IGFBP5: variants seen among roughly 807,000 people sequenced by gnomAD.
The protein encoded by IGFBP5 is insulin like growth factor binding protein 5, also known as insulin-like growth factor-binding protein 5.
A neutral mutation model predicts 28.0 loss-of-function variants in IGFBP5; 12 were observed. The ratio of observed to expected loss-of-function variants is 0.43; its 90% CI spans 0.27 to 0.69. IGFBP5 has a LOEUF of 0.69. IGFBP5 is among the 30% of genes least tolerant of loss of function. The probability of loss-of-function intolerance (pLI) is 0.20; values close to 1 mark genes in which losing one functional copy is unlikely to be tolerated. For missense variants in IGFBP5, 344 were observed against 381.6 expected, an observed-to-expected ratio of 0.90 and a Z score of 0.82; for synonymous variants, 152 against 150.2, an observed-to-expected ratio of 1.01 and a Z score of -0.09.
At chr2:216,693,127 C>A (rs1274402850) in intron 1 of IGFBP5, among the ~76,000 whole-genome samples, 2 of 151,522 alleles carry the variant, frequency 1.3e-5, no homozygotes, top group Non-Finnish European at 2.9e-5. Context: ...GTCTTAGAAC[C>A]CAGACTTTTA....
intron 2 of IGFBP5, 96 bp downstream of exon 2, chr2:216,678,753 TG>T: frequency 1.0e-6 from 1 of 1,003,418 alleles, no homozygotes; most frequent in Middle Eastern, 3.1e-4. Flanking sequence ...GGTCCTCTGC[TG>T]GGTCTAGTCT....
Position 216,675,866 on chromosome 2 carries a change from A to C in IGFBP5, c.*885T>G, listed in dbSNP as rs1283790805. The C allele has an allele frequency of 6.6e-6, 1 of 152,116 alleles. No individual in the cohort carries two copies. Among genetic ancestry groups the C allele is most frequent in the Admixed American group, 6.5e-5 (1 of 15,268 alleles). 9.4% of individuals were successfully genotyped at this position (152,116 alleles called of 1,614,324 possible). A position where few individuals can be genotyped will look rare whatever the true frequency, so the allele number is the denominator to read the frequency against. On this transcript the variant is annotated 3_prime_UTR_variant, in exon 4 of 4. Coordinates refer to ENST00000233813, the MANE Select transcript of IGFBP5 (RefSeq NM_000599.4). ...ACAGAGGCTGCTGCGCTACTTACAA[A>C]TTGAATTAAATGAGGGCTGAAACGG... is the stretch of plus-strand genomic sequence containing the variant.
At chr2:216,678,355 A>T in intron 2 of IGFBP5, 124 bp from the exon 3 acceptor site, 2 of 992,210 alleles carry the variant, frequency 2.0e-6, no homozygotes, top group Non-Finnish European at 2.8e-6. Flanking sequence ...CTTTGGTTCT[A>T]ATCATCTGCT....
rs1407841421 is a variant in IGFBP5 at position 216,694,607 on chromosome 2, T to G, written c.169A>C (p.Met57Leu). 6.5e-7 allele frequency: 1 copy of G among 1,542,998 alleles called. No individual in the cohort carries two copies. Among genetic ancestry groups the G allele is most frequent in the Non-Finnish European group, 8.7e-7 (1 of 1,145,946 alleles). Residue 57 changes from methionine to leucine, a missense_variant, in exon 1 of 4, where the codon ATG (methionine) becomes CTG (leucine). Around this residue, in one of 3 missense-constraint regions of IGFBP5, gnomAD observed 304 missense variants for 329.2 expected, o/e 0.92. Transcript: ENST00000233813. This position sits in a 1 kb window ranked among gnomAD's most constrained non-coding sequence, Gnocchi z 5.2. ...LVKEPGCGCCMTCALAEGQSC... is the reference protein window; with the variant it reads ...LVKEPGCGCCLTCALAEGQSC... ...TGCCCCTCGGCCAGGGCGCAGGTCA[T>G]GCAGCAGCCGCAGCCCGGCTCCTTG...
rs778530788 is a variant in IGFBP5 at position 216,679,572 on chromosome 2, G to C, written c.338-493C>G. On this transcript the variant is annotated intron_variant, in intron 1 of 3. Coordinates refer to ENST00000233813, the MANE Select transcript of IGFBP5 (RefSeq NM_000599.4). This position sits in a 1 kb window ranked among gnomAD's most constrained non-coding sequence, Gnocchi z 4.6. ...CAGGGCGTGGACGAGAAGGGCAAAG[G>C]CTGTCCTGTTAGTGAGATCTTTGCA... Among the ~76,000 whole-genome samples, 1 of 152,150 alleles carries C rather than the reference G, an allele frequency of 6.6e-6. No individual in the cohort carries two copies. The highest frequency in any genetic ancestry group is 2.4e-5 in the African/African-American group (1 of 41,434).
At chr2:216,682,605 T>C (rs1296387597) in intron 1 of IGFBP5, among the ~76,000 whole-genome samples, 1 of 152,150 alleles carries the variant, frequency 6.6e-6, no homozygotes, top group East Asian at 1.9e-4. Flanking sequence ...CAGTCTGCTC[T>C]GGAACCTGTT....
chr2:216,672,690 G>A lies in IGFBP5; in HGVS notation c.*4061C>T, dbSNP rs1018985733. 2.6e-5 allele frequency: 4 copies of A among 152,682 alleles called. No individual in the cohort carries two copies. The highest frequency in any genetic ancestry group is 9.7e-5 in the African/African-American group (4 of 41,414). 9.5% of individuals were successfully genotyped at this position (152,682 alleles called of 1,614,324 possible). A position where few individuals can be genotyped will look rare whatever the true frequency, so the allele number is the denominator to read the frequency against. ...CGACCGGGGACTGGTGGAGTGGGGT[G>A]AGCGGGCACAGGGAAGCTGGGGTCC... On this transcript the variant is annotated 3_prime_UTR_variant, in exon 4 of 4. Transcript: ENST00000233813.
At chr2:216,693,182 A>G (rs1689120693) in intron 1 of IGFBP5, among the ~76,000 whole-genome samples, 1 of 151,582 alleles carries the variant, frequency 6.6e-6, no homozygotes, top group African/African-American at 2.4e-5. Context: ...AGATCAGGTA[A>G]CTCTTTCCAA....
rs1370614850 is a variant in IGFBP5 at position 216,672,669 on chromosome 2, C to CG, written c.*4081dup. The CG allele has an allele frequency of 6.5e-6, 1 of 152,678 alleles. No individual in the cohort carries two copies. Among genetic ancestry groups the CG allele is most frequent in the Non-Finnish European group, 1.5e-5 (1 of 68,034 alleles). The allele number at this position is 152,678 out of a possible 1,614,324, so 9.5% of individuals were successfully genotyped here. A position where few individuals can be genotyped will look rare whatever the true frequency, so the allele number is the denominator to read the frequency against. Reference sequence around the variant, plus strand: ...TAGAGAGGAGACTCCGGCTGGCGACCGGGGACTGGTGGAGTGGGGTGAGCG... The same window carrying CG: ...TAGAGAGGAGACTCCGGCTGGCGACCGGGGGACTGGTGGAGTGGGGTGAGCG... On this transcript the variant is annotated 3_prime_UTR_variant, in exon 4 of 4. Transcript: ENST00000233813.
At chr2:216,677,908 C>T (rs1688921965) in intron 3 of IGFBP5, among the ~76,000 whole-genome samples, 1 of 152,114 alleles carries the variant, frequency 6.6e-6, no homozygotes, top group South Asian at 2.1e-4. Context: ...AGTGGATTAC[C>T]GCATAGGAGA....
At chr2:216,683,248 A>AAGGTGGGAGGTTGG (rs1287262309) in intron 1 of IGFBP5, among the ~76,000 whole-genome samples, 1 of 152,066 alleles carries the variant, frequency 6.6e-6, no homozygotes, top group African/African-American at 2.4e-5. Flanking sequence ...TTGAGCCCGG[A>AAGGTGGGAGGTTGG]AGGTGGGAGG....
At chr2:216,676,964 C>T in intron 3 of IGFBP5, 82 bp from the exon 4 acceptor site, 11 of 1,465,936 alleles carry the variant, frequency 7.5e-6, no homozygotes, top group Non-Finnish European at 1.0e-5. Context: ...TTGTCTACCC[C>T]AAGGCAAGAC....
In IGFBP5 at chr2:216,676,678, G is replaced by A; in HGVS notation, c.*73C>T. Reference sequence around the variant, plus strand: ...TGAGATGAAATGAGTGGCGTCCTGGGGTGGAGGGAGGCGCTGGCTGGAGTC... The same window carrying A: ...TGAGATGAAATGAGTGGCGTCCTGGAGTGGAGGGAGGCGCTGGCTGGAGTC... On this transcript the variant is annotated 3_prime_UTR_variant, in exon 4 of 4. Transcript: ENST00000233813. The A allele has an allele frequency of 1.0e-6, 1 of 952,570 alleles. No homozygotes were observed. Among genetic ancestry groups the A allele is most frequent in the Non-Finnish European group, 1.6e-6 (1 of 615,464 alleles). 59.0% of individuals were successfully genotyped at this position (952,570 alleles called of 1,614,324 possible).
intron 1 of IGFBP5, among the ~76,000 whole-genome samples, chr2:216,689,106 A>G (rs774864656): frequency 1.3e-5 from 2 of 152,046 alleles, no homozygotes; most frequent in African/African-American, 2.4e-5. Context: ...ACCCCATCCA[A>G]CCACACCCTC....
chr2:216,692,518 G>A lies in IGFBP5; in HGVS notation c.337+1921C>T, dbSNP rs1689114437. 6.6e-6 allele frequency among the ~76,000 whole-genome samples: 1 copy of A among 152,072 alleles called. No individual in the cohort carries two copies. Among genetic ancestry groups the A allele is most frequent in the African/African-American group, 2.4e-5 (1 of 41,420 alleles). On this transcript the variant is annotated intron_variant, in intron 1 of 3. Coordinates refer to ENST00000233813, the MANE Select transcript of IGFBP5 (RefSeq NM_000599.4). The surrounding 1 kb of genome is among the most constrained non-coding windows in gnomAD (Gnocchi z 4.2). ...TAAATAATAAGTGGAGCCAGGATGC[G>A]GCTGAGTGACACCTTACGTTCTTTC...
intron 2 of IGFBP5, among the ~76,000 whole-genome samples, chr2:216,678,599 A>G (rs1656609473): frequency 6.6e-6 from 1 of 152,168 alleles, no homozygotes; most frequent in Admixed American, 6.5e-5. Context: ...GGTACCTGGT[A>G]CGTGGCCGCT....
intron 2 of IGFBP5, 108 bp from the exon 3 acceptor site, chr2:216,678,339 C>G: frequency 8.3e-7 from 1 of 1,206,632 alleles, no homozygotes; most frequent in Non-Finnish European, 1.1e-6. Flanking sequence ...GGAGGAAAGT[C>G]ACCACCTTTG....
intron 1 of IGFBP5, among the ~76,000 whole-genome samples, chr2:216,689,051 T>A (rs3755137): frequency 0.15 from 22,373 of 152,142 alleles, 1,844 homozygotes; most frequent in East Asian, 0.21. Flanking sequence ...GGTATATGGT[T>A]TTCCTTCTCT....
intron 1 of IGFBP5, among the ~76,000 whole-genome samples, chr2:216,681,341 T>C (rs1283198936): frequency 1.3e-5 from 2 of 152,092 alleles, no homozygotes; most frequent in Admixed American, 6.5e-5. Context: ...GGGGTTCAGA[T>C]TGGAGAAGCC....
Sources: allele counts gnomAD v4.1 joint callset (sites outside exome capture counted in the v4.1 genomes callset), GRCh38; gene constraint gnomAD v4.1.1; regional missense constraint gnomAD v4.1.1; non-coding constraint Gnocchi (gnomAD v3.1); transcripts MANE v1.5; gene names NCBI Gene and HGNC (gene_info 2026-07-23, HGNC 2026-07-21).